Variants in ASB7 observed in about 807,000 individuals in gnomAD.
ASB7 encodes ankyrin repeat and SOCS box containing 7, also known as ankyrin repeat and SOCS box protein 7.
In ASB7, 4 loss-of-function variants were observed where a neutral mutation model predicts 32.5. That is an observed-to-expected ratio of 0.12 (90% confidence interval 0.06 to 0.28). The LOEUF is 0.28. Ranked by LOEUF, ASB7 falls within the 10% of genes least tolerant of loss-of-function variation. The pLI, the probability that ASB7 is intolerant of heterozygous loss-of-function variation, is 1.00. For synonymous variants in ASB7, 172 were observed against 155.6 expected, an observed-to-expected ratio of 1.11 and a Z score of -0.78; for missense variants, 181 against 407.1, an observed-to-expected ratio of 0.44 and a Z score of 4.78.
At chr15:100,630,609 G>T (rs1027397313) in intron 5 of ASB7, among the ~76,000 whole-genome samples, 1 of 152,236 alleles carries the variant, frequency 6.6e-6, no homozygotes, top group Non-Finnish European at 1.5e-5. Flanking sequence ...AATATTTGCA[G>T]TGGGAAGTTT....
rs1214680267 is a variant in ASB7 at position 100,629,815 on chromosome 15, G to A, written c.590G>A (p.Arg197Gln). The A allele has an allele frequency of 4.3e-6, 7 of 1,614,114 alleles. No homozygotes were observed. Among genetic ancestry groups the A allele is most frequent in the Non-Finnish European group, 4.2e-6 (5 of 1,180,048 alleles). Residue 197 changes from arginine to glutamine, a missense_variant, in exon 5 of 6, where the codon CGA becomes CAA. Transcript: ENST00000332783. This position sits in a 1 kb window ranked among gnomAD's most constrained non-coding sequence, Gnocchi z 6.8. ...AVIKSNHSYC[R>Q]MFLQRGADTN... The stretch of plus-strand genomic sequence containing the variant: ...ATCAAAAGCAATCACTCTTATTGCC[G>A]AATGTTCCTTCAGAGAGGGGCAGAC...
rs528208315 is a variant in ASB7, at chr15:100,613,772, AGTTCT to A, written c.211+1349_211+1353del. Among the ~76,000 whole-genome samples the A allele has an allele frequency of 4.7e-3, 716 of 152,290 alleles. 3 individuals are homozygous for A. The highest frequency in any genetic ancestry group is 0.016 in the African/African-American group (674 of 41,534). ...CCTTACTTTAAAAAAAGTTACTAAAAGTTCTGTTATTCAAGTAATACATGAATATT... is the reference window on the plus strand; with the variant it reads ...CCTTACTTTAAAAAAAGTTACTAAAAGTTATTCAAGTAATACATGAATATT... On this transcript the variant is annotated intron_variant, in intron 4 of 5. Transcript: ENST00000332783.
intron 4 of ASB7, among the ~76,000 whole-genome samples, chr15:100,627,958 A>C (rs1474359408): frequency 6.6e-6 from 1 of 152,222 alleles, no homozygotes; most frequent in Non-Finnish European, 1.5e-5. Flanking sequence ...CCCGGTGGAA[A>C]CATTAGTGTC....
At chr15:100,636,035 T>TG (rs1388769510) in intron 5 of ASB7, among the ~76,000 whole-genome samples, 1 of 151,984 alleles carries the variant, frequency 6.6e-6, no homozygotes, top group African/African-American at 2.4e-5. Flanking sequence ...CACAGCTGAG[T>TG]GGGGGGCTTC....
At position 100,651,239 on chromosome 15, in the gene ASB7, C is replaced by G. The variant is rs899705801; in HGVS notation, c.*2777C>G. On this transcript the variant is annotated 3_prime_UTR_variant, in exon 6 of 6. Transcript: ENST00000332783. Reference sequence around the variant, plus strand: ...AATATTTGTGTTTATAAATGTACAGCAGAGTAAGAGTGTTTTTTAGATTAT... The same window carrying G: ...AATATTTGTGTTTATAAATGTACAGGAGAGTAAGAGTGTTTTTTAGATTAT... 2.7e-5 allele frequency: 4 copies of G among 150,680 alleles called. No individual in the cohort carries two copies. The highest frequency in any genetic ancestry group is 4.4e-5 in the Non-Finnish European group (3 of 67,876). The allele number at this position is 150,680 out of a possible 1,614,324, so 9.3% of individuals were successfully genotyped here. A position where few individuals can be genotyped will look rare whatever the true frequency, so the allele number is the denominator to read the frequency against.
intron 2 of ASB7, among the ~76,000 whole-genome samples, chr15:100,609,181 A>G (rs2039673103): frequency 2.0e-5 from 3 of 152,222 alleles, no homozygotes; most frequent in Admixed American, 2.0e-4. Context: ...AGGAATAACA[A>G]TTTCAAAGTG....
chr15:100,630,316 A>G (rs1245794122), intron 5 of ASB7: 1 of 602,026 alleles, frequency 1.7e-6, no homozygotes. Context: ...ATTTTTTTTA[A>G]ATGAACAAAG....
intron 4 of ASB7, among the ~76,000 whole-genome samples, chr15:100,620,376 A>G (rs1567113750): frequency 6.6e-6 from 1 of 152,344 alleles, no homozygotes; most frequent in East Asian, 1.9e-4. Flanking sequence ...ACACGTGGAT[A>G]TGAAGGGCTG....
At chr15:100,630,893 T>A (rs2039878306) in intron 5 of ASB7, among the ~76,000 whole-genome samples, 1 of 152,174 alleles carries the variant, frequency 6.6e-6, no homozygotes, top group Non-Finnish European at 1.5e-5. Context: ...AACTTTTTAA[T>A]GAGTTCCTTT....
intron 4 of ASB7, among the ~76,000 whole-genome samples, chr15:100,622,118 C>G (rs562736451): frequency 6.6e-6 from 1 of 150,790 alleles, no homozygotes. Flanking sequence ...AATCAACATA[C>G]AAAAATCAGT....
chr15:100,644,371 G>A (rs1288870362), intron 5 of ASB7, among the ~76,000 whole-genome samples: 1 of 152,212 alleles, frequency 6.6e-6, no homozygotes, highest in East Asian at 1.9e-4. Flanking sequence ...AATACTGTAA[G>A]CATTTACTGA....
At chr15:100,640,999 AG>A (rs2039957257) in intron 5 of ASB7, among the ~76,000 whole-genome samples, 1 of 152,190 alleles carries the variant, frequency 6.6e-6, no homozygotes, top group Non-Finnish European at 1.5e-5. Context: ...CATCCCCTAA[AG>A]GGTTTGTAAT....
chr15:100,606,483 A>G (rs576997577), intron 2 of ASB7, among the ~76,000 whole-genome samples: 93 of 152,266 alleles, frequency 6.1e-4, no homozygotes, highest in African/African-American at 2.1e-3. Flanking sequence ...AGGTTTTGTA[A>G]CTTCGGACAG....
rs567868972 is a variant in ASB7 at position 100,633,704 on chromosome 15, A to G, written c.817+3662A>G. ...GGAAGGAGGGGAAGGAAGGAGGAAGAAAAAAAAGAGAAATAAATGGTAGTG... is the reference window on the plus strand; with the variant it reads ...GGAAGGAGGGGAAGGAAGGAGGAAGGAAAAAAAGAGAAATAAATGGTAGTG... On this transcript the variant is annotated intron_variant, in intron 5 of 5. Transcript: ENST00000332783. 3.4e-4 allele frequency among the ~76,000 whole-genome samples: 51 copies of G among 150,462 alleles called. 1 individual carries two copies. The highest frequency in any genetic ancestry group is 1.1e-3 in the African/African-American group (45 of 41,326).
At chr15:100,625,078 G>A (rs2039826921) in intron 4 of ASB7, among the ~76,000 whole-genome samples, 1 of 152,154 alleles carries the variant, frequency 6.6e-6, no homozygotes, top group Non-Finnish European at 1.5e-5. Flanking sequence ...GAGAAAGATG[G>A]GAAACCAGAA....
intron 4 of ASB7, among the ~76,000 whole-genome samples, chr15:100,621,805 CAAAT>C (rs1369334072): frequency 6.7e-6 from 1 of 148,496 alleles, no homozygotes; most frequent in African/African-American, 2.5e-5. Context: ...AACTAAAAAA[CAAAT>C]AAGGATTCTT....
chr15:100,610,511 C>T (rs2039686563), intron 3 of ASB7, among the ~76,000 whole-genome samples: 2 of 149,404 alleles, frequency 1.3e-5, no homozygotes, highest in Admixed American at 1.3e-4. Flanking sequence ...AAAAAAGAGG[C>T]AATCTTGTTT....
chr15:100,621,441 A>G (rs770478713), intron 4 of ASB7, among the ~76,000 whole-genome samples: 59 of 152,318 alleles, frequency 3.9e-4, no homozygotes, highest in Admixed American at 5.9e-4. Context: ...GCTATGTATA[A>G]TTTTTTAAAA....
At chr15:100,614,048 G>A (rs1198293442) in intron 4 of ASB7, among the ~76,000 whole-genome samples, 1 of 152,152 alleles carries the variant, frequency 6.6e-6, no homozygotes, top group Non-Finnish European at 1.5e-5. Context: ...CGAGGTGAGT[G>A]GATCGCCTGA....
Sources: allele counts gnomAD v4.1 joint callset (sites outside exome capture counted in the v4.1 genomes callset), GRCh38; gene constraint gnomAD v4.1.1; non-coding constraint Gnocchi (gnomAD v3.1); transcripts MANE v1.5; gene names NCBI Gene and HGNC (gene_info 2026-07-23, HGNC 2026-07-21).